RNF6: variants seen among roughly 807,000 people sequenced by gnomAD.
The protein encoded by RNF6 is ring finger protein 6, also known as E3 ubiquitin-protein ligase RNF6.
In RNF6, 21 loss-of-function variants were observed where a neutral mutation model predicts 50.1. That is an observed-to-expected ratio of 0.42 (90% CI 0.30 to 0.60). The LOEUF (loss-of-function observed/expected upper bound fraction) is 0.60. Ranked by LOEUF, RNF6 falls within the 20% of genes least tolerant of loss-of-function variation. The probability of loss-of-function intolerance (pLI) is 0.20; values close to 1 mark genes in which losing one functional copy is unlikely to be tolerated. For missense variants in RNF6, 698 were observed against 838.2 expected, an observed-to-expected ratio of 0.83 and a Z score of 2.07; for synonymous variants, 255 against 291.8, an observed-to-expected ratio of 0.87 and a Z score of 1.29.
At chr13:26,190,892 A>G (rs1868426995) in intron 5 of RNF6, among the ~76,000 whole-genome samples, 1 of 152,174 alleles carries the variant, frequency 6.6e-6, no homozygotes, top group Non-Finnish European at 1.5e-5. Flanking sequence ...CAACATTGTG[A>G]TCTTTTTGGT....
chr13:26,141,606 A>C (rs1018939967), intron 5 of RNF6, among the ~76,000 whole-genome samples: 1 of 152,176 alleles, frequency 6.6e-6, no homozygotes, highest in African/African-American at 2.4e-5. Context: ...TAGTTGACAA[A>C]GTCAACAAAA....
At chr13:26,133,459 G>A (rs1011790574) in intron 5 of RNF6, among the ~76,000 whole-genome samples, 1 of 152,154 alleles carries the variant, frequency 6.6e-6, no homozygotes, top group Non-Finnish European at 1.5e-5. Flanking sequence ...TGACATGAAG[G>A]TTAGCTGTTT....
At chr13:26,211,513 C>A (rs1249538022), downstream of RNF6, among the ~76,000 whole-genome samples, 1 of 152,200 alleles carries the variant, frequency 6.6e-6, no homozygotes, top group Non-Finnish European at 1.5e-5. Context: ...AATCCCAGCA[C>A]TTTGGGAGGC....
intron 5 of RNF6, among the ~76,000 whole-genome samples, chr13:26,178,591 CGTGTGTGTGTGTGTGTGTGTGTGT>C (rs3981342): frequency 2.0e-5 from 2 of 100,322 alleles, no homozygotes; most frequent in East Asian, 7.8e-4. Context: ...CTGCCTGGTC[CGTGTGTGTGTGTGTGTGTGTGTGT>C]GTGTGTGTGT....
Position 26,215,240 on chromosome 13 carries a change from C to T in RNF6, c.642G>A (p.Arg214=). 1.2e-6 allele frequency: 2 copies of T among 1,614,178 alleles called. No homozygotes were observed. Among genetic ancestry groups the T allele is most frequent in the Non-Finnish European group, 1.7e-6 (2 of 1,180,034 alleles). The change falls in exon 5 of 5, where the codon AGG becomes AGA. Residue 214 remains arginine, a synonymous_variant. Transcript: ENST00000381588. ...TTTGCCCCCTTGAAGCAAGCCTAGT[C>T]CTTGGAATGTTGGAACTACTACCAT... ...NFNGSSSNIP[R]TRLASRGQNP... is the part of the protein sequence containing the mutation.
chr13:26,180,288 C>T (rs1040764475), intron 5 of RNF6, among the ~76,000 whole-genome samples: 2 of 152,170 alleles, frequency 1.3e-5, no homozygotes, highest in African/African-American at 4.8e-5. Flanking sequence ...CAGAGTGGAA[C>T]CAGCTGTCTG....
At position 26,166,344 on chromosome 13, in the gene RNF6, T is replaced by G. The variant is rs141609522; in HGVS notation, n.769-33893A>C. On this transcript the variant is annotated intron_variant and non_coding_transcript_variant, in intron 5 of 5. Transcript: ENST00000468480. ...GTGTAAAAATGAACTAATACAGAAG[T>G]CCTGACTAGAGCAATCAGGCAAGAG... is the stretch of plus-strand genomic sequence containing the variant. Among the ~76,000 whole-genome samples the G allele has an allele frequency of 4.2e-3, 642 of 152,232 alleles. 1 individual carries two copies. Among genetic ancestry groups the G allele is most frequent in the African/African-American group, 0.015 (607 of 41,538 alleles).
intron 5 of RNF6, among the ~76,000 whole-genome samples, chr13:26,199,345 T>TTCTTGCC: frequency 6.6e-6 from 1 of 152,198 alleles, no homozygotes. Flanking sequence ...TTTACCTGGA[T>TTCTTGCC]TCTTGCCTCT....
At chr13:26,222,625 T>TA (rs2137816881), upstream of RNF6, 1 of 152,596 alleles carries the variant, frequency 6.6e-6, no homozygotes, top group African/African-American at 2.4e-5. Flanking sequence ...ACCTGGAAAT[T>TA]ACAAACCCTA....
rs574082922 is a variant in RNF6, at chr13:26,188,312, C to T, written n.768+27162G>A. Among the ~76,000 whole-genome samples the T allele has an allele frequency of 1.2e-4, 19 of 152,296 alleles. 1 individual carries two copies. The South Asian group carries it at 3.5e-3, about 28-fold the overall frequency. ...ATAACAATATCCCTCCCCTTCTACCCCATCCTCCACCCCACTTGTGACAGA... is the reference window on the plus strand; with the variant it reads ...ATAACAATATCCCTCCCCTTCTACCTCATCCTCCACCCCACTTGTGACAGA... On this transcript the variant is annotated intron_variant and non_coding_transcript_variant, in intron 5 of 5. Coordinates refer to the RNF6 transcript ENST00000468480.
intron 5 of RNF6, among the ~76,000 whole-genome samples, chr13:26,173,351 T>A (rs1428098544): frequency 6.6e-6 from 1 of 152,156 alleles, no homozygotes. Flanking sequence ...AAAACCCACA[T>A]AAAATCATAT....
At chr13:26,217,055 A>G (rs1445411944) in intron 4 of RNF6, among the ~76,000 whole-genome samples, 1 of 152,232 alleles carries the variant, frequency 6.6e-6, no homozygotes, top group Admixed American at 6.5e-5. Context: ...TTAAATGCTG[A>G]AGTTGAAGCT....
At chr13:26,137,592 GAAAT>G (rs1287039382) in intron 5 of RNF6, among the ~76,000 whole-genome samples, 3 of 146,920 alleles carry the variant, frequency 2.0e-5, no homozygotes, top group Non-Finnish European at 4.5e-5. Flanking sequence ...TATGTTGAAA[GAAAT>G]AATATATAAG....
chr13:26,179,224 C>T (rs1383694123), intron 5 of RNF6, among the ~76,000 whole-genome samples: 3 of 152,150 alleles, frequency 2.0e-5, no homozygotes, highest in African/African-American at 4.8e-5. Context: ...GCAGTCATAC[C>T]TGTACAATTT....
chr13:26,208,732 A>C (rs1593187934), downstream of RNF6, among the ~76,000 whole-genome samples: 1 of 152,332 alleles, frequency 6.6e-6, no homozygotes, highest in East Asian at 1.9e-4. Context: ...TGGACTGGTC[A>C]CATAATCTGA....
intron 5 of RNF6, among the ~76,000 whole-genome samples, chr13:26,187,436 C>T (rs1873609370): frequency 6.6e-6 from 1 of 152,162 alleles, no homozygotes; most frequent in Non-Finnish European, 1.5e-5. Context: ...TGCCTCTTTT[C>T]TGGATTTCAG....
At chr13:26,158,359 C>T (rs1872047786) in intron 5 of RNF6, among the ~76,000 whole-genome samples, 1 of 152,234 alleles carries the variant, frequency 6.6e-6, no homozygotes, top group South Asian at 2.1e-4. Context: ...GTATGCTGGA[C>T]GATTGAACTG....
intron 5 of RNF6, among the ~76,000 whole-genome samples, chr13:26,175,363 G>C (rs1160147999): frequency 6.6e-6 from 1 of 152,178 alleles, no homozygotes; most frequent in East Asian, 1.9e-4. Flanking sequence ...TTACAGGCGT[G>C]AGCCACTGCA....
At chr13:26,190,127 G>A (rs1868399708) in intron 5 of RNF6, among the ~76,000 whole-genome samples, 1 of 152,156 alleles carries the variant, frequency 6.6e-6, no homozygotes, top group Admixed American at 6.5e-5. Flanking sequence ...CCGATCGAAT[G>A]TGGTTTGTGG....
Sources: gnomAD v4.1 joint callset for allele counts (sites outside exome capture counted in the v4.1 genomes callset) on GRCh38, gnomAD v4.1.1 for gene constraint, MANE v1.5 for transcripts, NCBI Gene and HGNC (gene_info 2026-07-23, HGNC 2026-07-21) for gene names.